Variants in SNX7 observed in about 807,000 individuals in gnomAD.
The protein encoded by SNX7 is sorting nexin 7, also known as sorting nexin-7.
Under a neutral mutation model 48.4 loss-of-function variants are expected in SNX7, and 35 were observed. That is an observed-to-expected ratio of 0.72 (90% CI 0.55 to 0.96). The LOEUF (loss-of-function observed/expected upper bound fraction) is 0.96. Among genes scored for constraint, SNX7 ranks in the 40% least tolerant of loss-of-function variants. The pLI is 0.00. For synonymous variants in SNX7, 190 were observed against 190.2 expected (o/e 1.00, Z 0.01); for missense variants, 553 against 548.9 (o/e 1.01, Z -0.07).
At chr1:98,670,200 T>A (rs1006206055) in intron 1 of SNX7, among the ~76,000 whole-genome samples, 1 of 152,084 alleles carries the variant, frequency 6.6e-6, no homozygotes, top group African/African-American at 2.4e-5. Flanking sequence ...GAACAAAATC[T>A]CCCATTTAGA....
intron 1 of SNX7, among the ~76,000 whole-genome samples, chr1:98,668,898 G>T (rs919102924): frequency 2.0e-5 from 3 of 152,196 alleles, no homozygotes; most frequent in African/African-American, 7.2e-5. Context: ...AAATGTTCTG[G>T]TACAAGCTGG....
intron 7 of SNX7, among the ~76,000 whole-genome samples, chr1:98,713,856 C>T (rs1652447484): frequency 6.6e-6 from 1 of 152,076 alleles, no homozygotes; most frequent in African/African-American, 2.4e-5. Flanking sequence ...GTGGTAACAT[C>T]AAAGACTGCT....
chr1:98,726,479 A>T (rs889164781), intron 7 of SNX7, among the ~76,000 whole-genome samples: 2 of 152,156 alleles, frequency 1.3e-5, no homozygotes. Context: ...TTCTCACCAC[A>T]TGTAGCAGAG....
intron 1 of SNX7, among the ~76,000 whole-genome samples, chr1:98,672,353 G>T (rs1034178117): frequency 1.3e-5 from 2 of 151,192 alleles, no homozygotes; most frequent in African/African-American, 4.9e-5. Context: ...ATAGACAATG[G>T]CTCCCAGATC....
chr1:98,661,803 C>A lies in SNX7; in HGVS notation c.72C>A (p.Ser24Arg). ...CGGCCGGGGGCGCCAACGGGGAGAG[C>A]CCGGGGGGCGGCGCCCCCTTTCCGG... ...GLPAGGANGE[S>R]PGGGAPFPGS... Residue 24 changes from serine to arginine, a missense_variant, in exon 1 of 9, where the codon AGC becomes AGA. Ser to Arg is a moderately radical substitution (Grantham distance 110, BLOSUM62 -1). Coordinates refer to ENST00000306121, the MANE Select transcript of SNX7 (RefSeq NM_015976.5). 8.0e-7 allele frequency: 1 copy of A among 1,244,902 alleles called. No individual in the cohort carries two copies. The highest frequency in any genetic ancestry group is 1.0e-6 in the Non-Finnish European group (1 of 987,052). The allele number at this position is 1,244,902 out of a possible 1,614,324, so 77.1% of individuals were successfully genotyped here. A position where few individuals can be genotyped will look rare whatever the true frequency, so the allele number is the denominator to read the frequency against.
intron 7 of SNX7, among the ~76,000 whole-genome samples, chr1:98,724,068 G>GT (rs1296312025): frequency 2.0e-5 from 3 of 151,902 alleles, no homozygotes; most frequent in Admixed American, 6.6e-5. Flanking sequence ...GTTTGCTATA[G>GT]TTTTTTATCC....
chr1:98,724,644 A>G (rs934652052), intron 7 of SNX7, among the ~76,000 whole-genome samples: 3 of 152,188 alleles, frequency 2.0e-5, no homozygotes, highest in African/African-American at 7.2e-5. Flanking sequence ...CTCTAGTTCT[A>G]GATTACAAAA....
chr1:98,713,410 T>C (rs1488438439), intron 7 of SNX7, among the ~76,000 whole-genome samples: 1 of 152,078 alleles, frequency 6.6e-6, no homozygotes, highest in Non-Finnish European at 1.5e-5. Flanking sequence ...GATCTTCTAC[T>C]CAGACCACTA....
Position 98,695,616 on chromosome 1 carries a change from C to T in SNX7, c.738C>T (p.Arg246=), listed in dbSNP as rs1377132409. ...CCTCAATGAGAGGAGTTAAAAACCG[C>T]CCAGAGGAGTTCATGGAAATGAATA... The part of the protein sequence containing the change: ...VASSMRGVKN[R]PEEFMEMNNF... The change falls in exon 5 of 9, where the codon CGC becomes CGT. Residue 246 remains arginine, a synonymous_variant. Coordinates refer to ENST00000306121, the MANE Select transcript of SNX7 (RefSeq NM_015976.5). 1 of 1,613,802 alleles carries T rather than the reference C, an allele frequency of 6.2e-7. No homozygotes were observed. The highest frequency in any genetic ancestry group is 8.5e-7 in the Non-Finnish European group (1 of 1,179,934).
rs559590181 is a variant in SNX7 at position 98,759,988 on chromosome 1, T to C, written c.1279-66T>C. The C allele has an allele frequency of 6.6e-6, 7 of 1,055,342 alleles. No individual in the cohort carries two copies. The South Asian group carries it at 7.6e-5, about 11-fold the overall frequency. 65.4% of individuals were successfully genotyped at this position (1,055,342 alleles called of 1,614,324 possible). On this transcript the variant is annotated intron_variant, in intron 8 of 8. Transcript: ENST00000306121. ...CAGTAGGAACAGATGTGTTAGAATT[T>C]ATTAATCCTTTAACACTGAAAGTAA...
At chr1:98,696,463 A>G (rs1200630689) in intron 5 of SNX7, among the ~76,000 whole-genome samples, 1 of 152,146 alleles carries the variant, frequency 6.6e-6, no homozygotes, top group Non-Finnish European at 1.5e-5. Flanking sequence ...GTGTTTAAAC[A>G]TAATAAGTAC....
In SNX7 at chr1:98,680,396, C is replaced by G. The variant is rs1315211229; in HGVS notation, c.181-4489C>G. On this transcript the variant is annotated intron_variant, in intron 1 of 8. Transcript: ENST00000306121. ...CTGCCATGAAGACCTCTGGCATGCCCTGGAGAGATTTTCCCCACTGTCTTG... is the reference window on the plus strand; with the variant it reads ...CTGCCATGAAGACCTCTGGCATGCCGTGGAGAGATTTTCCCCACTGTCTTG... Among the ~76,000 whole-genome samples, 5 of 152,328 alleles carry G rather than the reference C, an allele frequency of 3.3e-5. No individual in the cohort carries two copies. The East Asian group carries it at 9.7e-4, about 29-fold the overall frequency.
At chr1:98,729,156 T>C (rs1301216761) in intron 7 of SNX7, among the ~76,000 whole-genome samples, 2 of 152,130 alleles carry the variant, frequency 1.3e-5, no homozygotes, top group Non-Finnish European at 2.9e-5. Flanking sequence ...ACCACACAAC[T>C]ATATGGAAAC....
At chr1:98,755,463 G>A (rs1381396920) in intron 8 of SNX7, among the ~76,000 whole-genome samples, 2 of 139,066 alleles carry the variant, frequency 1.4e-5, no homozygotes, top group Non-Finnish European at 3.1e-5. Context: ...TTTTATGTGT[G>A]TAAACATTTT....
chr1:98,686,793 C>G (rs1442220006), intron 2 of SNX7, among the ~76,000 whole-genome samples: 3 of 152,054 alleles, frequency 2.0e-5, no homozygotes, highest in African/African-American at 7.2e-5. Context: ...TTAATACAGG[C>G]ATACTGCTAG....
intron 4 of SNX7, among the ~76,000 whole-genome samples, chr1:98,692,810 G>T (rs1025494210): frequency 4.2e-4 from 64 of 152,120 alleles, no homozygotes; most frequent in Non-Finnish European, 2.6e-4. Context: ...AACTGCATAT[G>T]GTGGCATGTA....
At chr1:98,739,469 C>G (rs138468256) in intron 8 of SNX7, among the ~76,000 whole-genome samples, 1 of 152,174 alleles carries the variant, frequency 6.6e-6, no homozygotes, top group Non-Finnish European at 1.5e-5. Flanking sequence ...CCTTCTATCA[C>G]CAGACATTGT....
intron 1 of SNX7, among the ~76,000 whole-genome samples, chr1:98,667,437 G>A (rs774439823): frequency 3.9e-5 from 6 of 152,052 alleles, no homozygotes; most frequent in Non-Finnish European, 5.9e-5. Context: ...GTGCAGTGGC[G>A]TGATTTTGGC....
At chr1:98,685,092 T>C in intron 2 of SNX7, 25 bp downstream of exon 2, 1 of 1,341,976 alleles carries the variant, frequency 7.5e-7, no homozygotes, top group Non-Finnish European at 9.8e-7. Flanking sequence ...AATATTTTCT[T>C]GAATATAGCT....
Sources: allele counts gnomAD v4.1 joint callset (sites outside exome capture counted in the v4.1 genomes callset), GRCh38; gene constraint gnomAD v4.1.1; transcripts MANE v1.5; gene names NCBI Gene and HGNC (gene_info 2026-07-23, HGNC 2026-07-21).